VIPR1: variants seen among roughly 807,000 people sequenced by gnomAD.
VIPR1 encodes vasoactive intestinal peptide receptor 1, also known as vasoactive intestinal polypeptide receptor 1.
A neutral mutation model predicts 58.8 loss-of-function variants in VIPR1; 59 were observed. The ratio of observed to expected loss-of-function variants is 1.00; its 90% CI spans 0.81 to 1.25. VIPR1 has a LOEUF of 1.25. VIPR1 is among the 50% of genes most tolerant of loss of function. The pLI is 0.00. For synonymous variants in VIPR1, 251 were observed against 242.1 expected, an observed-to-expected ratio of 1.04 and a Z score of -0.34; for missense variants, 626 against 602.7, an observed-to-expected ratio of 1.04 and a Z score of -0.40.
upstream of VIPR1, chr3:42,502,575 C>G: frequency 2.1e-6 from 1 of 476,328 alleles, no homozygotes. Flanking sequence ...GCCCGTCAGA[C>G]GAGCCCCCGG....
Position 42,536,229 on chromosome 3 carries a change from GC to G in VIPR1, c.1325del (p.Pro442GlnfsTer81), listed in dbSNP as rs1387686701. The G allele has an allele frequency of 3.2e-6, 5 of 1,576,714 alleles. No individual in the cohort carries two copies. The highest frequency in any genetic ancestry group is 3.4e-6 in the Non-Finnish European group (4 of 1,164,746). On this transcript the variant is annotated frameshift_variant, in exon 13 of 13. Transcript: ENST00000325123. LOFTEE classifies it high-confidence loss of function. ...STQVSMLTRV[S>X]PGARRSSSFQ... ...CAGGTTTCCATGCTGACCCGCGTCA[GC>G]CCAGGTGCCCGCCGCTCCTCCAGCT...
At position 42,528,008 on chromosome 3, in the gene VIPR1, G is replaced by A. The variant is rs201431086; in HGVS notation, c.521G>A (p.Arg174Gln). Reference protein sequence around the residue: ...LSLFRKLHCTRNYIHMHLFIS... With the variant: ...LSLFRKLHCTQNYIHMHLFIS... ...CCACACAGGAAGCTCCACTGCACGC[G>A]GAACTACATCCACATGCACCTCTTC... Residue 174 changes from arginine (R) to glutamine (Q), a missense_variant, in exon 6 of 13, where the codon CGG becomes CAG. Arg to Gln is a conservative substitution (Grantham distance 43). Transcript: ENST00000325123. 1.1e-5 allele frequency: 17 copies of A among 1,613,980 alleles called. No individual in the cohort carries two copies. Among genetic ancestry groups the A allele is most frequent in the South Asian group, 2.2e-5 (2 of 91,084 alleles).
Position 42,522,786 on chromosome 3 carries a change from T to C in VIPR1, c.293-3101T>C, listed in dbSNP as rs142413136. On this transcript the variant is annotated intron_variant, in intron 3 of 12. Transcript: ENST00000325123. ...AAGAAGCTGGGACAGGACTGGTGAC[T>C]GATGGGGGAGAGGAGGGAGAGGATT... Among the ~76,000 whole-genome samples, 338 of 152,238 alleles carry C rather than the reference T, an allele frequency of 2.2e-3. 2 individuals are homozygous for C. The highest frequency in any genetic ancestry group is 3.4e-3 in the Non-Finnish European group (228 of 67,994).
chr3:42,520,102 A>G (rs1369526844), intron 3 of VIPR1, among the ~76,000 whole-genome samples: 1 of 152,172 alleles, frequency 6.6e-6, no homozygotes, highest in African/African-American at 2.4e-5. Context: ...CAATCTGAAG[A>G]CCTGGAGGTG....
At chr3:42,502,375 G>A (rs1699901260), upstream of VIPR1, 1 of 196,044 alleles carries the variant, frequency 5.1e-6, no homozygotes, top group Admixed American at 6.1e-5. Context: ...AGGATGGAAT[G>A]TGTTCGGGTC....
In VIPR1 at chr3:42,525,920, G is replaced by T; in HGVS notation, c.326G>T (p.Gly109Val). Residue 109 changes from glycine to valine, a missense_variant, in exon 4 of 13, where the codon GGC (glycine) becomes GTC (valine). Transcript: ENST00000325123. ...RNVSRSCTDEGWTHLEPGPYP... is the reference protein window; with the variant it reads ...RNVSRSCTDEVWTHLEPGPYP... ...GTAAGCCGCAGCTGCACCGACGAAG[G>T]CTGGACGCACCTGGAGCCTGGCCCG... 1 of 1,613,512 alleles carries T rather than the reference G, an allele frequency of 6.2e-7. No individual in the cohort carries two copies. Among genetic ancestry groups the T allele is most frequent in the Non-Finnish European group, 8.5e-7 (1 of 1,179,802 alleles).
Position 42,530,768 on chromosome 3 carries a change from T to A in VIPR1, c.637-11T>A. The A allele has an allele frequency of 6.2e-7, 1 of 1,612,956 alleles. No individual in the cohort carries two copies. The highest frequency in any genetic ancestry group is 1.1e-5 in the South Asian group (1 of 91,000). The stretch of plus-strand genomic sequence containing the variant: ...CCCCAGTGAACCCCGTCTTTTCTCC[T>A]CCCCCTGCAGGTGGGCTGTAAGGCA... On this transcript the variant is annotated splice_polypyrimidine_tract_variant and intron_variant, in intron 6 of 12. Transcript: ENST00000325123.
At chr3:42,518,595 C>T (rs553811004) in intron 2 of VIPR1, among the ~76,000 whole-genome samples, 8 of 152,218 alleles carry the variant, frequency 5.3e-5, no homozygotes, top group South Asian at 2.1e-4. Flanking sequence ...AAAAATTAGC[C>T]GGGCGTGGCG....
At position 42,496,014 on chromosome 3, in the gene VIPR1, C is replaced by A. The variant is rs557929907; in HGVS notation, c.-245+6336C>A. 5.3e-5 allele frequency among the ~76,000 whole-genome samples: 8 copies of A among 152,066 alleles called. No individual in the cohort carries two copies. In the South Asian group the frequency reaches 1.2e-3, roughly 24 times the overall value. On this transcript the variant is annotated intron_variant, in intron 1 of 13. Coordinates refer to the VIPR1 transcript ENST00000433647. Reference sequence around the variant, plus strand: ...TAATAATGAGTGCTGTTTCAAGCAGCCACATTTGTGGTAGGAGTTCGAGAC... The same window carrying A: ...TAATAATGAGTGCTGTTTCAAGCAGACACATTTGTGGTAGGAGTTCGAGAC...
intron 2 of VIPR1, among the ~76,000 whole-genome samples, chr3:42,518,466 C>T (rs527546690): frequency 5.3e-4 from 80 of 152,214 alleles, no homozygotes; most frequent in Admixed American, 2.7e-3. Flanking sequence ...TGGCCGGGCG[C>T]GGTGGCTCAT....
chr3:42,502,919 A>G, intron 1 of VIPR1, 106 bp downstream of exon 1: 1 of 899,328 alleles, frequency 1.1e-6, no homozygotes, highest in Non-Finnish European at 1.5e-6. Flanking sequence ...GTGTCTGTGT[A>G]AGAGGAATAG....
At chr3:42,535,490 G>C in intron 12 of VIPR1, 106 bp downstream of exon 12, 1 of 1,265,604 alleles carries the variant, frequency 7.9e-7, no homozygotes, top group Non-Finnish European at 1.1e-6. Context: ...AAACCTTGCT[G>C]CTCCAAGTAT....
chr3:42,517,774 G>A (rs1429115884), intron 2 of VIPR1, among the ~76,000 whole-genome samples: 2 of 152,172 alleles, frequency 1.3e-5, no homozygotes, highest in African/African-American at 2.4e-5. Flanking sequence ...TCAGGAGTTC[G>A]AGACCAGCCT....
chr3:42,525,321 G>A (rs1701170160), intron 3 of VIPR1, among the ~76,000 whole-genome samples: 1 of 152,040 alleles, frequency 6.6e-6, no homozygotes, highest in African/African-American at 2.4e-5. Flanking sequence ...GCCATGCTGT[G>A]CTGCCTGATT....
At chr3:42,527,298 C>A in intron 4 of VIPR1, 95 bp from the exon 5 acceptor site, 3 of 1,177,196 alleles carry the variant, frequency 2.5e-6, no homozygotes, top group Non-Finnish European at 3.7e-6. Context: ...CAGGGTTGGG[C>A]AGGCAGAGTG....
rs1701920059 is a variant in VIPR1, at chr3:42,537,552, A to G, written c.*1271A>G. The G allele has an allele frequency of 6.6e-6, 1 of 152,218 alleles. No homozygotes were observed. The allele number at this position is 152,218 out of a possible 1,614,324, so 9.4% of individuals were successfully genotyped here. ...AGGACTGCAACAGGCTTGTGCAACA[A>G]TAAATGTTGGCTTGGATTGGCTTGG... On this transcript the variant is annotated 3_prime_UTR_variant, in exon 13 of 13. Coordinates refer to ENST00000325123, the MANE Select transcript of VIPR1 (RefSeq NM_004624.4).
intron 1 of VIPR1, among the ~76,000 whole-genome samples, chr3:42,493,545 A>G (rs1029479006): frequency 1.3e-5 from 2 of 152,200 alleles, no homozygotes; most frequent in African/African-American, 4.8e-5. Flanking sequence ...AGGAGGGATT[A>G]GAGCTGGGCT....
chr3:42,518,776 G>C (rs1393072018), intron 2 of VIPR1, among the ~76,000 whole-genome samples: 2 of 143,354 alleles, frequency 1.4e-5, no homozygotes, highest in Non-Finnish European at 3.0e-5. Context: ...ATAAAATGGT[G>C]TAAGAGTCTA....
chr3:42,523,148 C>G (rs1003593995), intron 3 of VIPR1, among the ~76,000 whole-genome samples: 3 of 151,268 alleles, frequency 2.0e-5, no homozygotes, highest in Non-Finnish European at 4.4e-5. Context: ...CTCCCTCCTG[C>G]CCTTCATGTC....
Sources: gnomAD v4.1 joint callset for allele counts (sites outside exome capture counted in the v4.1 genomes callset) on GRCh38, gnomAD v4.1.1 for gene constraint, MANE v1.5 for transcripts, NCBI Gene and HGNC (gene_info 2026-07-23, HGNC 2026-07-21) for gene names.